Variants in SZT2 observed in about 807,000 individuals in gnomAD.
The protein encoded by SZT2 is KICSTOR complex protein SZT2.
Under a neutral mutation model 404.2 loss-of-function variants are expected in SZT2, and 216 were observed. The observed-to-expected ratio is 0.53, with a 90% confidence interval of 0.48 to 0.60. The LOEUF (loss-of-function observed/expected upper bound fraction) is 0.60. Ranked by LOEUF, SZT2 falls within the 20% of genes least tolerant of loss-of-function variation. The pLI, the probability that SZT2 is intolerant of heterozygous loss-of-function variation, is 0.00. For synonymous variants in SZT2, 1,693 were observed against 1,749.9 expected (o/e 0.97, Z 0.81); for missense variants, 3,857 against 4,459.2 (o/e 0.86, Z 3.85).
chr1:43,427,860 C>G, intron 26 of SZT2, 126 bp downstream of exon 26: 3 of 1,353,388 alleles, frequency 2.2e-6, no homozygotes, highest in Non-Finnish European at 3.1e-6. Flanking sequence ...TGCTTGATTT[C>G]CCTCAGCAAA....
chr1:43,422,717 C>T, intron 13 of SZT2, 52 bp from the exon 14 acceptor site: 14 of 1,465,186 alleles, frequency 9.6e-6, no homozygotes, highest in Non-Finnish European at 1.1e-5. Flanking sequence ...CCAGACCTCA[C>T]TGCTACTTCC....
At chr1:43,393,487 G>A (rs186795426) in intron 1 of SZT2, among the ~76,000 whole-genome samples, 27 of 152,134 alleles carry the variant, frequency 1.8e-4, no homozygotes, top group Admixed American at 1.6e-3. Flanking sequence ...TGGAATACAT[G>A]CTTTTAACTG....
intron 67 of SZT2, 35 bp downstream of exon 67, chr1:43,447,733 C>T (rs369537984): frequency 1.5e-5 from 24 of 1,610,890 alleles, no homozygotes; most frequent in Non-Finnish European, 1.8e-5. Flanking sequence ...ATGCACGCTG[C>T]AGGAGCTGGG....
At position 43,389,999 on chromosome 1, in the gene SZT2, A is replaced by G. The variant is rs760728459; in HGVS notation, c.27+4A>G. Reference sequence around the variant, plus strand: ...CTCGGAGCGCCCGGAGCCGGAGGTGAGGGGCGGGCGGGCGCAGCACTGGGC... The same window carrying G: ...CTCGGAGCGCCCGGAGCCGGAGGTGGGGGGCGGGCGGGCGCAGCACTGGGC... On this transcript the variant is annotated splice_donor_region_variant and intron_variant, in intron 1 of 71. Coordinates refer to ENST00000634258, the MANE Select transcript of SZT2 (RefSeq NM_001365999.1). 7.2e-7 allele frequency: 1 copy of G among 1,385,382 alleles called. No individual in the cohort carries two copies. Among genetic ancestry groups the G allele is most frequent in the Non-Finnish European group, 9.3e-7 (1 of 1,073,056 alleles). The allele number at this position is 1,385,382 out of a possible 1,614,324, so 85.8% of individuals were successfully genotyped here.
Position 43,447,636 on chromosome 1 carries a change from G to T in SZT2, c.9378G>T (p.Leu3126Phe). The change falls in exon 67 of 72, where the codon TTG (leucine) becomes TTT (phenylalanine). Residue 3126 changes from leucine to phenylalanine, a missense_variant. Leu to Phe is a conservative substitution (Grantham distance 22, BLOSUM62 0). Around this residue, in one of 7 missense-constraint regions of SZT2, gnomAD observed 717 missense variants for 868.2 expected, o/e 0.83. Transcript: ENST00000634258. ...CCAGCTCTTACCACATGAAGCCATT[G>T]CGAATGGCCCGGCCAGGGGGCCCAG... is the stretch of plus-strand genomic sequence containing the variant. The part of the protein sequence containing the change: ...DHASSYHMKP[L>F]RMARPGGPEH... The T allele has an allele frequency of 6.2e-7, 1 of 1,614,218 alleles. No homozygotes were observed. The highest frequency in any genetic ancestry group is 8.5e-7 in the Non-Finnish European group (1 of 1,180,048).
At chr1:43,414,962 C>T in intron 4 of SZT2, 120 bp from the exon 5 acceptor site, 3 of 1,310,052 alleles carry the variant, frequency 2.3e-6, no homozygotes, top group East Asian at 5.0e-5. Flanking sequence ...TACCTTAGAC[C>T]CTGGTTGGGT....
At chr1:43,395,273 G>GTTAC (rs1553135555) in intron 1 of SZT2, among the ~76,000 whole-genome samples, 1 of 152,126 alleles carries the variant, frequency 6.6e-6, no homozygotes, top group African/African-American at 2.4e-5. Context: ...AGGTTACTTT[G>GTTAC]TTACTTGCTT....
In SZT2 at chr1:43,441,763, G is replaced by T; in HGVS notation, c.7687G>T (p.Ala2563Ser). ...LLPSILSEFT[A>S]LVTSMAGDTS... ...TCCATCCATCCTGTCTGAGTTCACC[G>T]CACTGGTCACCTCAATGGCTGGAGA... The change falls in exon 55 of 72, where the codon GCA (alanine) becomes TCA (serine). Residue 2563 changes from alanine to serine, a missense_variant. Physicochemically the swap from Ala to Ser is moderately conservative, Grantham distance 99. Transcript: ENST00000634258. The surrounding 1 kb of genome is among the most constrained non-coding windows in gnomAD (Gnocchi z 4.8). 6.2e-7 allele frequency: 1 copy of T among 1,614,168 alleles called. No individual in the cohort carries two copies.
rs762535326 is a variant in SZT2, at chr1:43,440,442, G to A, written c.7211-11G>A. 1.3e-6 allele frequency: 2 copies of A among 1,576,202 alleles called. No individual in the cohort carries two copies. The highest frequency in any genetic ancestry group is 1.4e-5 in the African/African-American group (1 of 73,246). On this transcript the variant is annotated splice_polypyrimidine_tract_variant and intron_variant, in intron 51 of 71. Coordinates refer to ENST00000634258, the MANE Select transcript of SZT2 (RefSeq NM_001365999.1). Reference sequence around the variant, plus strand: ...TCAGTGATGGGTGTCTGTAATGTCTGATGTCCACAGGAAGTCTCAGGAACG... The same window carrying A: ...TCAGTGATGGGTGTCTGTAATGTCTAATGTCCACAGGAAGTCTCAGGAACG...
rs1451264032 is a variant in SZT2 at position 43,447,922 on chromosome 1, T to C, written c.9514T>C (p.Cys3172Arg). The C allele has an allele frequency of 1.2e-6, 2 of 1,614,074 alleles. No homozygotes were observed. Among genetic ancestry groups the C allele is most frequent in the Non-Finnish European group, 8.5e-7 (1 of 1,180,000 alleles). Residue 3172 changes from cysteine to arginine, a missense_variant, in exon 68 of 72, where the codon TGT becomes CGT. Physicochemically the swap from Cys to Arg is radical, Grantham distance 180 (BLOSUM62 -3). This residue lies in a region of SZT2 where 717 missense variants were observed against 868.2 expected (regional missense o/e 0.83). Coordinates refer to ENST00000634258, the MANE Select transcript of SZT2 (RefSeq NM_001365999.1). ...TGATGTGTCTCTGCTTGTCTGTCAC[T>C]GTGCTGCACCCTTTGAGGAGCAAGG... ...DFDVSLLVCHCAAPFEEQGEA... is the reference protein window; with the variant it reads ...DFDVSLLVCHRAAPFEEQGEA...
rs377247075 is a variant in SZT2 at position 43,394,705 on chromosome 1, C to T, written c.27+4710C>T. On this transcript the variant is annotated intron_variant, in intron 1 of 71. Coordinates refer to ENST00000634258, the MANE Select transcript of SZT2 (RefSeq NM_001365999.1). ...ACCAGCCTCACCAGCATGGAGAAAC[C>T]TCGTCTCTACCAAAAATACAAAATT... Among the ~76,000 whole-genome samples, 32 of 152,000 alleles carry T rather than the reference C, an allele frequency of 2.1e-4. No individual in the cohort carries two copies. The East Asian group carries it at 6.2e-3, about 29-fold the overall frequency.
chr1:43,438,903 T>C, intron 47 of SZT2, 26 bp from the exon 48 acceptor site: 2 of 1,614,072 alleles, frequency 1.2e-6, no homozygotes, highest in Non-Finnish European at 8.5e-7. Flanking sequence ...TGCATTCAGC[T>C]CTGCCCTCTT....
rs1160278359 is a variant in SZT2, at chr1:43,439,596, T to C, written c.6878-9T>C. ...CCAGAGCTGAGCCTTCCTATGGATT[T>C]CTACCCAGGGGTTGCCTGCATCACT... On this transcript the variant is annotated splice_polypyrimidine_tract_variant and intron_variant, in intron 49 of 71. Transcript: ENST00000634258. This position sits in a 1 kb window ranked among gnomAD's most constrained non-coding sequence, Gnocchi z 4.2. 6.2e-7 allele frequency: 1 copy of C among 1,613,730 alleles called. No individual in the cohort carries two copies. Among genetic ancestry groups the C allele is most frequent in the Admixed American group, 1.7e-5 (1 of 59,968 alleles).
At chr1:43,445,561 C>G in intron 62 of SZT2, 1 of 371,926 alleles carries the variant, frequency 2.7e-6, no homozygotes, top group Admixed American at 3.8e-5. Flanking sequence ...CAAGCATCTC[C>G]TTGAATTTTC....
At position 43,442,564 on chromosome 1, in the gene SZT2, G is replaced by A. The variant is rs1655181934; in HGVS notation, c.8097G>A (p.Lys2699=). The A allele has an allele frequency of 6.2e-7, 1 of 1,613,822 alleles. No homozygotes were observed. Among genetic ancestry groups the A allele is most frequent in the Non-Finnish European group, 8.5e-7 (1 of 1,179,850 alleles). The change falls in exon 58 of 72, where the codon AAG becomes AAA. Residue 2699 remains lysine (K), a synonymous_variant. Coordinates refer to ENST00000634258, the MANE Select transcript of SZT2 (RefSeq NM_001365999.1). This position sits in a 1 kb window ranked among gnomAD's most constrained non-coding sequence, Gnocchi z 4.5. ...AHLIFCLLSQ[K]LGLFHHYGQL... is the part of the protein sequence containing the mutation. ...TCATCTTCTGCCTACTCAGCCAGAA[G>A]CTTGGCCTCTTCCATCATTATGGCC...
At chr1:43,398,791 T>C (rs1649303465) in intron 1 of SZT2, among the ~76,000 whole-genome samples, 1 of 152,074 alleles carries the variant, frequency 6.6e-6, no homozygotes, top group Non-Finnish European at 1.5e-5. Flanking sequence ...TAGAAATCAT[T>C]TTGCAGTAGG....
At chr1:43,415,005 A>G in intron 4 of SZT2, 77 bp from the exon 5 acceptor site, 1 of 1,526,548 alleles carries the variant, frequency 6.6e-7, no homozygotes, top group Non-Finnish European at 8.8e-7. Flanking sequence ...GGAGCTATGG[A>G]GAATAAACAG....
chr1:43,406,640 G>T (rs1336214987), intron 4 of SZT2: 1 of 152,322 alleles, frequency 6.6e-6, no homozygotes, highest in Non-Finnish European at 1.5e-5. Context: ...GTTATGAAAG[G>T]CCATGAATGT....
At chr1:43,427,030 C>T (rs1216395596) in intron 23 of SZT2, 26 bp from the exon 24 acceptor site, 32 of 1,613,694 alleles carry the variant, frequency 2.0e-5, no homozygotes, top group Non-Finnish European at 2.6e-5. Flanking sequence ...TTATAGATTG[C>T]TCTAATTTCT....
Sources: gnomAD v4.1 joint callset for allele counts (sites outside exome capture counted in the v4.1 genomes callset) on GRCh38, gnomAD v4.1.1 for gene constraint, gnomAD v4.1.1 regional missense constraint, Gnocchi (gnomAD v3.1) non-coding constraint, MANE v1.5 for transcripts, NCBI Gene and HGNC (gene_info 2026-07-23, HGNC 2026-07-21) for gene names.